The following PHF21A variants were observed in gnomAD, a reference collection of about 807,000 sequenced individuals.
PHF21A encodes BHC80a.
In PHF21A, 11 loss-of-function variants were observed where a neutral mutation model predicts 82.5. The ratio of observed to expected loss-of-function variants is 0.13; its 90% CI spans 0.08 to 0.22. The LOEUF is 0.22. Among genes scored for constraint, PHF21A ranks in the 10% least tolerant of loss-of-function variants. The probability of loss-of-function intolerance (pLI) is 1.00; values close to 1 mark genes in which losing one functional copy is unlikely to be tolerated. For missense variants in PHF21A, 579 were observed against 837.8 expected (o/e 0.69, Z 3.81); for synonymous variants, 297 against 302.8 (o/e 0.98, Z 0.20).
chr11:46,071,484 A>G (rs1230551395), intron 6 of PHF21A, among the ~76,000 whole-genome samples: 1 of 152,254 alleles, frequency 6.6e-6, no homozygotes, highest in African/African-American at 2.4e-5. Flanking sequence ...GCACATTATT[A>G]AAGTGTAAGT....
chr11:46,034,779 T>G (rs1386185900), intron 6 of PHF21A, among the ~76,000 whole-genome samples: 2 of 152,078 alleles, frequency 1.3e-5, no homozygotes, highest in African/African-American at 4.8e-5. Flanking sequence ...GTGTAAGAAG[T>G]CTTACATGAC....
chr11:46,005,682 G>A (rs2095277652), intron 6 of PHF21A, among the ~76,000 whole-genome samples: 1 of 152,084 alleles, frequency 6.6e-6, no homozygotes. Context: ...ATAAACATTA[G>A]GGGAACCATC....
intron 3 of PHF21A, among the ~76,000 whole-genome samples, chr11:46,089,440 A>C (rs2096897222): frequency 6.6e-6 from 1 of 152,200 alleles, no homozygotes; most frequent in Admixed American, 6.5e-5. Context: ...ATTAAAAAAC[A>C]TAATGTAATG....
intron 9 of PHF21A, among the ~76,000 whole-genome samples, chr11:45,966,189 T>C (rs553560689): frequency 6.0e-4 from 20 of 33,460 alleles, no homozygotes; most frequent in Non-Finnish European, 1.5e-3. Flanking sequence ...ATCTATGTAC[T>C]GAAGACTCAC....
chr11:45,971,890 C>T (rs3110528), intron 7 of PHF21A, among the ~76,000 whole-genome samples: 83 of 50,234 alleles, frequency 1.7e-3, no homozygotes, highest in East Asian at 3.3e-3. Flanking sequence ...CTTTTTCTTT[C>T]TTTTTTTTTT....
intron 1 of PHF21A, among the ~76,000 whole-genome samples, chr11:46,110,782 T>G (rs952516584): frequency 7.1e-6 from 1 of 140,110 alleles, no homozygotes; most frequent in Non-Finnish European, 1.5e-5. Context: ...AATCTACATA[T>G]TAACAATTTT....
At chr11:45,938,595 T>C (rs1438669360) in intron 15 of PHF21A, among the ~76,000 whole-genome samples, 2 of 152,126 alleles carry the variant, frequency 1.3e-5, no homozygotes, top group Admixed American at 6.5e-5. Flanking sequence ...CCTATAAATA[T>C]GTTTTTCTAT....
At chr11:46,098,265 G>T (rs536549306) in intron 1 of PHF21A, among the ~76,000 whole-genome samples, 1 of 152,294 alleles carries the variant, frequency 6.6e-6, no homozygotes, top group East Asian at 1.9e-4. Context: ...AGTAAACACT[G>T]ATTATCTATT....
Position 45,931,601 on chromosome 11 carries a change from T to C in PHF21A, c.*2367A>G, listed in dbSNP as rs2087658719. On this transcript the variant is annotated 3_prime_UTR_variant, in exon 19 of 19. Transcript: ENST00000676320. ...ATTTTACTCTAAGAAGTGTCTCTTC[T>C]CTGTTGCATTTGCTTTCAGATCTGT... is the stretch of plus-strand genomic sequence containing the variant. 6.6e-6 allele frequency: 1 copy of C among 152,282 alleles called. No homozygotes were observed. The highest frequency in any genetic ancestry group is 6.5e-5 in the Admixed American group (1 of 15,288). 9.4% of individuals were successfully genotyped at this position (152,282 alleles called of 1,614,324 possible).
At chr11:46,094,880 CAG>C (rs1207707477) in intron 1 of PHF21A, among the ~76,000 whole-genome samples, 1 of 152,114 alleles carries the variant, frequency 6.6e-6, no homozygotes, top group African/African-American at 2.4e-5. Context: ...AGCCTGGCGA[CAG>C]AGTGAGTCTC....
intron 6 of PHF21A, among the ~76,000 whole-genome samples, chr11:46,030,818 T>C (rs377436640): frequency 4.8e-5 from 5 of 105,102 alleles, no homozygotes; most frequent in East Asian, 3.0e-4. Flanking sequence ...TGTGTGTGTG[T>C]GCGTGTGTGT....
chr11:45,997,154 G>C (rs1473881405), intron 6 of PHF21A, among the ~76,000 whole-genome samples: 2 of 152,190 alleles, frequency 1.3e-5, no homozygotes, highest in South Asian at 2.1e-4. Flanking sequence ...GAAGATGGAT[G>C]ATTAGATCTA....
chr11:45,937,903 G>C (rs2089463130), intron 16 of PHF21A, among the ~76,000 whole-genome samples: 1 of 152,212 alleles, frequency 6.6e-6, no homozygotes, highest in Non-Finnish European at 1.5e-5. Flanking sequence ...GGACTTTAAA[G>C]GGTCTTGACT....
intron 6 of PHF21A, among the ~76,000 whole-genome samples, chr11:46,004,181 T>C (rs1014325037): frequency 6.6e-6 from 1 of 152,348 alleles, no homozygotes; most frequent in South Asian, 2.1e-4. Context: ...TTATTTTCCA[T>C]AGATTCTTAA....
intron 11 of PHF21A, among the ~76,000 whole-genome samples, chr11:45,951,083 G>A (rs2092046303): frequency 6.6e-6 from 1 of 152,236 alleles, no homozygotes; most frequent in Non-Finnish European, 1.5e-5. Flanking sequence ...TCAAGCCAGA[G>A]AGGGAAACAA....
At chr11:46,077,053 A>G (rs1389241651) in intron 5 of PHF21A, among the ~76,000 whole-genome samples, 2 of 152,230 alleles carry the variant, frequency 1.3e-5, no homozygotes, top group Non-Finnish European at 2.9e-5. Flanking sequence ...TTTAAATTAC[A>G]TGAAGTTTTA....
At chr11:46,045,687 G>T (rs1192752629) in intron 6 of PHF21A, among the ~76,000 whole-genome samples, 1 of 152,128 alleles carries the variant, frequency 6.6e-6, no homozygotes, top group Admixed American at 6.5e-5. Flanking sequence ...AAGAGAAGGG[G>T]CCTAACTTCA....
chr11:45,976,835 AAAAC>A (rs774991493), intron 7 of PHF21A, among the ~76,000 whole-genome samples: 16 of 152,342 alleles, frequency 1.1e-4, no homozygotes, highest in East Asian at 7.7e-4. Context: ...TCCTGTCTAA[AAAAC>A]AAACAAACAA....
At chr11:46,037,452 GT>G (rs2096029819) in intron 6 of PHF21A, among the ~76,000 whole-genome samples, 2 of 152,190 alleles carry the variant, frequency 1.3e-5, no homozygotes, top group South Asian at 4.1e-4. Context: ...GACCAGCCTG[GT>G]CAACATGGAG....
Sources: allele counts gnomAD v4.1 joint callset (sites outside exome capture counted in the v4.1 genomes callset), GRCh38; gene constraint gnomAD v4.1.1; transcripts MANE v1.5; gene names NCBI Gene and HGNC (gene_info 2026-07-23, HGNC 2026-07-21).